HSF2: variants seen among roughly 807,000 people sequenced by gnomAD.
The protein encoded by HSF2 is heat shock factor protein 2.
In HSF2, 21 loss-of-function variants were observed where a neutral mutation model predicts 65.0. The ratio of observed to expected loss-of-function variants is 0.32; its 90% CI spans 0.23 to 0.47. The LOEUF (loss-of-function observed/expected upper bound fraction) is 0.47, where lower values mean the gene tolerates loss of function less well. Ranked by LOEUF, HSF2 falls within the 20% of genes least tolerant of loss-of-function variation. The pLI, the probability that HSF2 is intolerant of heterozygous loss-of-function variation, is 1.00. For missense variants in HSF2, 499 were observed against 628.1 expected, an observed-to-expected ratio of 0.79 and a Z score of 2.20; for synonymous variants, 225 against 219.1, an observed-to-expected ratio of 1.03 and a Z score of -0.24.
At position 122,402,010 on chromosome 6, in the gene HSF2, C is replaced by G. The variant is rs530309133; in HGVS notation, c.93+2180C>G. The stretch of plus-strand genomic sequence containing the variant: ...GTTTGAATGCGGCCCAGCACAAATT[C>G]ATAAAGTTTCTTAAAGAAACATGAG... On this transcript the variant is annotated intron_variant, in intron 1 of 12. Coordinates refer to ENST00000368455, the MANE Select transcript of HSF2 (RefSeq NM_004506.4). 3.9e-5 allele frequency among the ~76,000 whole-genome samples: 6 copies of G among 152,306 alleles called. 1 individual carries two copies. The highest frequency in any genetic ancestry group is 1.4e-4 in the African/African-American group (6 of 41,568).
chr6:122,432,321 G>A lies in HSF2; in HGVS notation c.*101G>A, dbSNP rs977321497. ...CTTTTTTTGTAAATTGCTTTGTTTT[G>A]TTTAATCAGATACTGTGGAATAAAA... On this transcript the variant is annotated 3_prime_UTR_variant, in exon 13 of 13. Transcript: ENST00000368455. 32 of 987,724 alleles carry A rather than the reference G, an allele frequency of 3.2e-5. No individual in the cohort carries two copies. The highest frequency in any genetic ancestry group is 4.7e-5 in the Non-Finnish European group (31 of 664,886). 61.2% of individuals were successfully genotyped at this position (987,724 alleles called of 1,614,324 possible).
Position 122,417,457 on chromosome 6 carries a change from A to G in HSF2, c.531+1161A>G, listed in dbSNP as rs45535635. ...TAGCTATGTGACATTTCAGTTTTTCATGAATGCTAACATTCTGTCTGCTAA... is the reference window on the plus strand; with the variant it reads ...TAGCTATGTGACATTTCAGTTTTTCGTGAATGCTAACATTCTGTCTGCTAA... On this transcript the variant is annotated intron_variant, in intron 5 of 12. Coordinates refer to ENST00000368455, the MANE Select transcript of HSF2 (RefSeq NM_004506.4). Among the ~76,000 whole-genome samples, 524 of 152,184 alleles carry G rather than the reference A, an allele frequency of 3.4e-3. 2 individuals are homozygous for G. Among genetic ancestry groups the G allele is most frequent in the Admixed American group, 7.9e-3 (120 of 15,280 alleles).
chr6:122,411,785 C>T (rs1228867585), intron 1 of HSF2, among the ~76,000 whole-genome samples: 1 of 151,710 alleles, frequency 6.6e-6, no homozygotes, highest in Non-Finnish European at 1.5e-5. Flanking sequence ...ATATGTTTGT[C>T]AGTATGCCAG....
chr6:122,424,963 T>A (rs1366694966), intron 10 of HSF2, among the ~76,000 whole-genome samples: 1 of 152,060 alleles, frequency 6.6e-6, no homozygotes, highest in East Asian at 1.9e-4. Context: ...AGAGGATAAT[T>A]AACTATACTC....
intron 1 of HSF2, among the ~76,000 whole-genome samples, chr6:122,401,086 A>G (rs2114414094): frequency 6.6e-6 from 1 of 152,244 alleles, no homozygotes; most frequent in East Asian, 1.9e-4. Context: ...ACTTCCTTCT[A>G]GGATTTAATT....
At chr6:122,407,330 G>A (rs1773889196) in intron 1 of HSF2, among the ~76,000 whole-genome samples, 1 of 152,174 alleles carries the variant, frequency 6.6e-6, no homozygotes, top group Admixed American at 6.5e-5. Context: ...CTAACCTCAA[G>A]ATAGTGTGAA....
chr6:122,422,466 T>C (rs1422434210), intron 8 of HSF2, among the ~76,000 whole-genome samples, 168 bp downstream of exon 8: 2 of 152,194 alleles, frequency 1.3e-5, no homozygotes, highest in African/African-American at 4.8e-5. Flanking sequence ...CCTCACCTCC[T>C]CTTCCTCTCA....
Position 122,427,918 on chromosome 6 carries a change from G to A in HSF2, c.1192G>A (p.Val398Met). 3 of 1,601,526 alleles carry A rather than the reference G, an allele frequency of 1.9e-6. No homozygotes were observed. Among genetic ancestry groups the A allele is most frequent in the South Asian group, 2.2e-5 (2 of 90,030 alleles). The change falls in exon 11 of 13, where the codon GTG becomes ATG. Residue 398 changes from valine to methionine, a missense_variant. Transcript: ENST00000368455. ...GGTCTTTCAGCTTTTCACTAGTTCT[G>A]TGCAGATGAATCCCACAGATTACAT... ...DLLVDLFTSSVQMNPTDYINN... is the reference protein window; with the variant it reads ...DLLVDLFTSSMQMNPTDYINN...
chr6:122,419,610 C>G (rs1231964221), intron 6 of HSF2, among the ~76,000 whole-genome samples: 2 of 152,084 alleles, frequency 1.3e-5, no homozygotes, highest in Middle Eastern at 3.2e-3. Flanking sequence ...TTAAGCCACT[C>G]ATAGTCTTTT....
intron 4 of HSF2, among the ~76,000 whole-genome samples, chr6:122,413,913 A>G (rs1488257813): frequency 6.6e-6 from 1 of 152,176 alleles, no homozygotes; most frequent in African/African-American, 2.4e-5. Context: ...TATAAGTCTT[A>G]GCAATAAACA....
intron 7 of HSF2, 21 bp from the exon 8 acceptor site, chr6:122,422,129 T>C (rs1193874423): frequency 1.3e-6 from 2 of 1,538,310 alleles, no homozygotes; most frequent in Non-Finnish European, 1.8e-6. Flanking sequence ...TTTAGATATA[T>C]TTTTCTCTCT....
chr6:122,423,196 A>G (rs552662816), intron 9 of HSF2, among the ~76,000 whole-genome samples: 1 of 152,164 alleles, frequency 6.6e-6, no homozygotes, highest in Non-Finnish European at 1.5e-5. Context: ...GAGTGTACAT[A>G]CAGTGTTTGT....
intron 4 of HSF2, among the ~76,000 whole-genome samples, chr6:122,415,870 A>T (rs1774114329): frequency 6.6e-6 from 1 of 152,050 alleles, no homozygotes; most frequent in Admixed American, 6.6e-5. Context: ...AAAAAAAATT[A>T]GCTGGTTGTG....
chr6:122,399,846 G>A lies in HSF2; in HGVS notation c.93+16G>A, dbSNP rs376736127. On this transcript the variant is annotated intron_variant, in intron 1 of 12. Coordinates refer to ENST00000368455, the MANE Select transcript of HSF2 (RefSeq NM_004506.4). ...CTGGAGCCAGGTACGGTCAGGCCAC[G>A]GCGGCCTCTGAACCCCCTGAATAAC... 4 of 1,597,914 alleles carry A rather than the reference G, an allele frequency of 2.5e-6. No homozygotes were observed. Among genetic ancestry groups the A allele is most frequent in the Non-Finnish European group, 3.4e-6 (4 of 1,166,644 alleles).
At chr6:122,423,053 G>A (rs1774271839) in intron 9 of HSF2, 96 bp downstream of exon 9, 1 of 1,329,918 alleles carries the variant, frequency 7.5e-7, no homozygotes, top group Non-Finnish European at 1.1e-6. Flanking sequence ...TTCAGATGAT[G>A]AACCCACATA....
chr6:122,405,510 GC>G (rs993155637), intron 1 of HSF2, among the ~76,000 whole-genome samples: 40 of 152,092 alleles, frequency 2.6e-4, no homozygotes, highest in Non-Finnish European at 2.9e-5. Flanking sequence ...GAGATAGAGT[GC>G]CCAAGTAAGA....
intron 4 of HSF2, among the ~76,000 whole-genome samples, chr6:122,414,899 G>A (rs369923686): frequency 6.6e-6 from 1 of 152,160 alleles, no homozygotes; most frequent in Non-Finnish European, 1.5e-5. Context: ...TTACAGGCAC[G>A]AGCCACCGCA....
chr6:122,403,513 G>A (rs778152855), intron 1 of HSF2, among the ~76,000 whole-genome samples: 4 of 152,134 alleles, frequency 2.6e-5, no homozygotes, highest in African/African-American at 9.7e-5. Context: ...AGGCTGAAGA[G>A]GGGAGATGGC....
rs575580945 is a variant in HSF2, at chr6:122,421,383, C to T, written c.682-767C>T. Among the ~76,000 whole-genome samples, 50 of 152,056 alleles carry T rather than the reference C, an allele frequency of 3.3e-4. No individual in the cohort carries two copies. The Middle Eastern group carries it at 0.01, about 31-fold the overall frequency. ...ACCTCACATCTGATTTCTTTTCCCTCTACTGTTAGAAAATAATCAAGCATA... is the reference window on the plus strand; with the variant it reads ...ACCTCACATCTGATTTCTTTTCCCTTTACTGTTAGAAAATAATCAAGCATA... On this transcript the variant is annotated intron_variant, in intron 7 of 12. Coordinates refer to ENST00000368455, the MANE Select transcript of HSF2 (RefSeq NM_004506.4).
Sources: allele counts gnomAD v4.1 joint callset (sites outside exome capture counted in the v4.1 genomes callset), GRCh38; gene constraint gnomAD v4.1.1; transcripts MANE v1.5; gene names NCBI Gene and HGNC (gene_info 2026-07-23, HGNC 2026-07-21).